The following FRMPD4 variants were observed in gnomAD, a reference collection of about 807,000 sequenced individuals.
The protein encoded by FRMPD4 is FERM and PDZ domain containing 4.
FRMPD4 carries 22 observed loss-of-function variants against 94.1 expected under a neutral mutation model. The ratio of observed to expected loss-of-function variants is 0.23; its 90% CI spans 0.17 to 0.33. The LOEUF (loss-of-function observed/expected upper bound fraction) is 0.33. Ranked by LOEUF, FRMPD4 falls within the 10% of genes least tolerant of loss-of-function variation. The pLI, the probability that FRMPD4 is intolerant of heterozygous loss-of-function variation, is 1.00. For synonymous variants in FRMPD4, 631 were observed against 548.6 expected, an observed-to-expected ratio of 1.15 and a Z score of -2.10; for missense variants, 1,111 against 1,339.9, an observed-to-expected ratio of 0.83 and a Z score of 2.67.
At chrX:12,085,827 C>G (rs1297111736) in intron 3 of FRMPD4, among the ~76,000 whole-genome samples, 1 of 111,600 alleles carries the variant, frequency 9.0e-6, no homozygotes, top group Non-Finnish European at 1.9e-5. Flanking sequence ...TGTGATTGCA[C>G]CACTGTACTC....
Position 12,573,898 on chromosome X carries a change from A to G in FRMPD4, c.159-35823A>G, listed in dbSNP as rs189158538. Among the ~76,000 whole-genome samples the G allele has an allele frequency of 8.9e-5, 10 of 112,929 alleles. No homozygotes were observed. The East Asian group carries it at 2.7e-3, about 31-fold the overall frequency. ...GCTATCTTCTATTGAGCCAGACATTAAAGATTTTTTTTTTAATGTAAAGCA... is the reference window on the plus strand; with the variant it reads ...GCTATCTTCTATTGAGCCAGACATTGAAGATTTTTTTTTTAATGTAAAGCA... On this transcript the variant is annotated intron_variant, in intron 2 of 16. Transcript: ENST00000675598.
intron 1 of FRMPD4, among the ~76,000 whole-genome samples, chrX:12,317,268 T>C (rs766516784): frequency 9.0e-6 from 1 of 111,692 alleles, no homozygotes; most frequent in East Asian, 2.8e-4. Flanking sequence ...TCTCACCATA[T>C]ACAAAATCAA....
At chrX:12,264,073 C>G (rs1267660686) in intron 1 of FRMPD4, among the ~76,000 whole-genome samples, 1 of 111,244 alleles carries the variant, frequency 9.0e-6, no homozygotes, top group Non-Finnish European at 1.9e-5. Flanking sequence ...CACATTCAAG[C>G]CATAGTAGAG....
At chrX:12,128,413 G>A (rs1031912044) in intron 3 of FRMPD4, among the ~76,000 whole-genome samples, 1 of 112,211 alleles carries the variant, frequency 8.9e-6, no homozygotes, top group African/African-American at 3.2e-5. Context: ...GAAGCAGCTG[G>A]GATGCAGGGC....
chrX:12,181,302 A>G (rs1359072801), intron 1 of FRMPD4, among the ~76,000 whole-genome samples: 1 of 112,016 alleles, frequency 8.9e-6, no homozygotes, highest in Non-Finnish European at 1.9e-5. Context: ...AAGAGGTACA[A>G]GTTTATAAAA....
chrX:12,610,017 C>T (rs977321152), intron 3 of FRMPD4, 136 bp downstream of exon 3: 3 of 546,100 alleles, frequency 5.5e-6, no homozygotes, highest in Non-Finnish European at 8.6e-6. Context: ...AGAGTCACTT[C>T]ACCAGAGGAA....
intron 1 of FRMPD4, among the ~76,000 whole-genome samples, chrX:12,352,865 G>T (rs937231315): frequency 8.9e-6 from 1 of 112,136 alleles, no homozygotes; most frequent in African/African-American, 3.2e-5. Flanking sequence ...TAGTTAGTTT[G>T]TGTCTTTGCT....
At chrX:12,551,675 C>T (rs1281984233) in intron 2 of FRMPD4, among the ~76,000 whole-genome samples, 1 of 103,203 alleles carries the variant, frequency 9.7e-6, no homozygotes, top group Non-Finnish European at 2.0e-5. Context: ...ATGGTCCTCT[C>T]ATCCTGTATT....
chrX:12,359,572 A>G (rs1325530604), intron 1 of FRMPD4, among the ~76,000 whole-genome samples: 1 of 108,112 alleles, frequency 9.2e-6, no homozygotes. Flanking sequence ...GGTTTGAGCG[A>G]TTCTCCTGCC....
chrX:12,652,046 C>T (rs1174281344), intron 4 of FRMPD4, among the ~76,000 whole-genome samples: 9 of 112,499 alleles, frequency 8.0e-5, no homozygotes, highest in African/African-American at 1.3e-4. Flanking sequence ...ATGAACAGGG[C>T]CTCCCATGGG....
chrX:12,634,016 A>G (rs2059421016), intron 4 of FRMPD4, among the ~76,000 whole-genome samples: 1 of 112,480 alleles, frequency 8.9e-6, no homozygotes, highest in Admixed American at 9.4e-5. Flanking sequence ...GACAGAAACA[A>G]TTGTAATATA....
At position 12,722,558 on chromosome X, in the gene FRMPD4, G is replaced by A. The variant is rs766100707; in HGVS notation, c.*700G>A. 1.2e-3 allele frequency: 129 copies of A among 111,263 alleles called. No homozygotes were observed. The highest frequency in any genetic ancestry group is 4.0e-3 in the African/African-American group (123 of 30,642). 9.2% of individuals were successfully genotyped at this position (111,263 alleles called of 1,213,427 possible). On this transcript the variant is annotated 3_prime_UTR_variant, in exon 17 of 17. Transcript: ENST00000675598. ...GGTTCTAGCATTTAAAAAACTTCCCGGGGAGAAGAACAGAGGGGATGATGG... is the reference window on the plus strand; with the variant it reads ...GGTTCTAGCATTTAAAAAACTTCCCAGGGAGAAGAACAGAGGGGATGATGG...
intron 1 of FRMPD4, among the ~76,000 whole-genome samples, chrX:12,285,350 A>G (rs2054585241): frequency 8.9e-6 from 1 of 111,851 alleles, no homozygotes; most frequent in South Asian, 3.8e-4. Context: ...CAACTCTACA[A>G]ATTTCTGACC....
At chrX:11,831,964 A>T (rs1477073595) in intron 1 of FRMPD4, among the ~76,000 whole-genome samples, 3 of 112,156 alleles carry the variant, frequency 2.7e-5, no homozygotes, top group Non-Finnish European at 3.8e-5. Flanking sequence ...GTTGAAATAA[A>T]CTGAATATCC....
intron 1 of FRMPD4, among the ~76,000 whole-genome samples, chrX:12,417,364 C>T (rs1462859926): frequency 9.2e-6 from 1 of 108,533 alleles, no homozygotes; most frequent in African/African-American, 3.4e-5. Context: ...GGATCACCTG[C>T]GGTCAGGAGT....
chrX:11,960,001 A>C (rs764822917), intron 3 of FRMPD4, among the ~76,000 whole-genome samples: 1 of 111,220 alleles, frequency 9.0e-6, no homozygotes, highest in South Asian at 3.9e-4. Context: ...GGGGCATCAC[A>C]AGATGGATCC....
intron 3 of FRMPD4, among the ~76,000 whole-genome samples, chrX:12,066,729 GT>G (rs1332411003): frequency 2.8e-4 from 30 of 107,091 alleles, no homozygotes; most frequent in African/African-American, 9.5e-4. Flanking sequence ...AATCTGGATG[GT>G]TTTTTTTTAT....
intron 2 of FRMPD4, among the ~76,000 whole-genome samples, chrX:12,500,965 A>C (rs953039171): frequency 1.8e-5 from 2 of 112,148 alleles, no homozygotes; most frequent in Non-Finnish European, 3.8e-5. Context: ...TATGCATCAG[A>C]CTTCTCTGAT....
intron 4 of FRMPD4, among the ~76,000 whole-genome samples, chrX:12,615,319 A>T (rs892197835): frequency 8.9e-5 from 10 of 112,521 alleles, no homozygotes; most frequent in Admixed American, 8.5e-4. Flanking sequence ...TAAGTGCTTC[A>T]TTACTGAAAT....
Sources: gnomAD v4.1 joint callset for allele counts (sites outside exome capture counted in the v4.1 genomes callset) on GRCh38, gnomAD v4.1.1 for gene constraint, MANE v1.5 for transcripts, NCBI Gene and HGNC (gene_info 2026-07-23, HGNC 2026-07-21) for gene names.